UBR4: variants seen among roughly 807,000 people sequenced by gnomAD.
The protein encoded by UBR4 is E3 ubiquitin-protein ligase UBR4.
UBR4 carries 124 observed loss-of-function variants against 575.6 expected under a neutral mutation model. That is an observed-to-expected ratio of 0.22 (90% CI 0.19 to 0.25). The LOEUF (loss-of-function observed/expected upper bound fraction) is 0.25. Among genes scored for constraint, UBR4 ranks in the 10% least tolerant of loss-of-function variants. The pLI, the probability that UBR4 is intolerant of heterozygous loss-of-function variation, is 1.00. For missense variants in UBR4, 4,818 were observed against 6,478.8 expected (o/e 0.74, Z 8.80); for synonymous variants, 2,455 against 2,473.7 (o/e 0.99, Z 0.22).
Position 19,117,765 on chromosome 1 carries a change from A to G in UBR4, c.10629+58T>C. Reference sequence around the variant, plus strand: ...ATGTGATAATGATCCATCTCTGGAAACAAGAATCCCACTGGACCTATTGGC... The same window carrying G: ...ATGTGATAATGATCCATCTCTGGAAGCAAGAATCCCACTGGACCTATTGGC... On this transcript the variant is annotated intron_variant, in intron 72 of 105. Transcript: ENST00000375254. The surrounding 1 kb of genome is among the most constrained non-coding windows in gnomAD (Gnocchi z 4.0). 1 of 1,499,788 alleles carries G rather than the reference A, an allele frequency of 6.7e-7. No homozygotes were observed. 92.9% of individuals were successfully genotyped at this position (1,499,788 alleles called of 1,614,324 possible). A position where few individuals can be genotyped will look rare whatever the true frequency, so the allele number is the denominator to read the frequency against.
At chr1:19,103,012 A>G (rs928245918) in intron 87 of UBR4, among the ~76,000 whole-genome samples, 1 of 152,240 alleles carries the variant, frequency 6.6e-6, no homozygotes, top group Admixed American at 6.5e-5. Context: ...GAACTGGGAC[A>G]GCAGTACCCT....
Position 19,177,728 on chromosome 1 carries a change from C to A in UBR4, c.2370G>T (p.Met790Ile). ...LKVWDRFLST[M>I]KQNALQGVVP... ...CCACACCTTGCAGGGCATTCTGCTT[C>A]ATTGTAGACAAAAACCTACCAGAGA... Residue 790 changes from methionine to isoleucine, a missense_variant, in exon 19 of 106, where the codon ATG (methionine) becomes ATT (isoleucine). Met to Ile is a conservative substitution (Grantham distance 10). Around this residue, in one of 29 missense-constraint regions of UBR4, gnomAD observed 1,172 missense variants for 1,259.7 expected, o/e 0.93. Transcript: ENST00000375254. 6.2e-7 allele frequency: 1 copy of A among 1,612,928 alleles called. No homozygotes were observed. Among genetic ancestry groups the A allele is most frequent in the Non-Finnish European group, 8.5e-7 (1 of 1,179,582 alleles).
At chr1:19,137,067 G>A (rs990876876) in intron 60 of UBR4, among the ~76,000 whole-genome samples, 5 of 152,024 alleles carry the variant, frequency 3.3e-5, no homozygotes, top group African/African-American at 9.7e-5. Flanking sequence ...GGGAGGTGGA[G>A]GTGAGTGGAT....
Position 19,161,096 on chromosome 1 carries a change from A to G in UBR4, c.5227T>C (p.Ser1743Pro). ...SSGMSSTMKE[S>P]AFQSEPRISE... ...ATCCTGGGTTCACTCTGAAATGCCG[A>G]CTCCTTCATGGTAGAGCTCATGCCA... The change falls in exon 38 of 106, where the codon TCG (serine) becomes CCG (proline). Residue 1743 changes from serine (S) to proline (P), a missense_variant. Around this residue, in one of 29 missense-constraint regions of UBR4, gnomAD observed 159 missense variants for 174.6 expected, o/e 0.91. Transcript: ENST00000375254. 1 of 1,613,606 alleles carries G rather than the reference A, an allele frequency of 6.2e-7. No individual in the cohort carries two copies. Among genetic ancestry groups the G allele is most frequent in the Non-Finnish European group, 8.5e-7 (1 of 1,179,912 alleles).
chr1:19,102,479 A>G (rs75319485), intron 87 of UBR4, among the ~76,000 whole-genome samples: 2,994 of 150,048 alleles, frequency 0.02, 41 homozygotes, highest in South Asian at 0.056. Context: ...TGAAAATGGC[A>G]TCAGAAAGAG....
rs2076804722 is a variant in UBR4 at position 19,084,354 on chromosome 1, G to C, written c.15008+150C>G. 4.2e-6 allele frequency: 3 copies of C among 720,748 alleles called. No homozygotes were observed. The South Asian group carries it at 6.5e-5, about 16-fold the overall frequency. The allele number at this position is 720,748 out of a possible 1,614,324, so 44.6% of individuals were successfully genotyped here. A position where few individuals can be genotyped will look rare whatever the true frequency, so the allele number is the denominator to read the frequency against. ...TGCATGGCCCTAAAAGAATGCAGAT[G>C]AGCATCCCCACCTCGGCAAAAAGGC... On this transcript the variant is annotated intron_variant, in intron 102 of 105. Coordinates refer to ENST00000375254, the MANE Select transcript of UBR4 (RefSeq NM_020765.3).
rs1168698225 is a variant in UBR4 at position 19,160,333 on chromosome 1, A to G, written c.5407-52T>C. The G allele has an allele frequency of 3.4e-6, 5 of 1,452,454 alleles. No homozygotes were observed. The Admixed American group carries it at 9.5e-5, about 28-fold the overall frequency. 90.0% of individuals were successfully genotyped at this position (1,452,454 alleles called of 1,614,324 possible). On this transcript the variant is annotated intron_variant, in intron 38 of 105. Coordinates refer to ENST00000375254, the MANE Select transcript of UBR4 (RefSeq NM_020765.3). ...GTGAAAAAAAAAAAAAAGAAAAACA[A>G]TGGATAATACTTGTAAAAATCATCT...
At chr1:19,083,786 T>C (rs2076750941) in intron 102 of UBR4, among the ~76,000 whole-genome samples, 1 of 152,262 alleles carries the variant, frequency 6.6e-6, no homozygotes, top group Non-Finnish European at 1.5e-5. Context: ...TCCCAAGTGC[T>C]GGGATGACAG....
intron 60 of UBR4, among the ~76,000 whole-genome samples, chr1:19,134,150 C>T (rs1241894503): frequency 1.4e-5 from 2 of 146,648 alleles, no homozygotes; most frequent in Admixed American, 1.4e-4. Context: ...AAGCACCTAG[C>T]TACTCAGGCA....
At chr1:19,114,631 T>C (rs989693669) in intron 75 of UBR4, among the ~76,000 whole-genome samples, 180 bp downstream of exon 75, 20 of 152,246 alleles carry the variant, frequency 1.3e-4, no homozygotes, top group Non-Finnish European at 2.5e-4. Context: ...ATGCAAACCA[T>C]GTCTTTCAAT....
chr1:19,160,859 A>G, intron 38 of UBR4, 58 bp downstream of exon 38: 1 of 1,546,686 alleles, frequency 6.5e-7, no homozygotes, highest in Admixed American at 1.7e-5. Flanking sequence ...TTACTCTCAC[A>G]CCAATTCAAC....
chr1:19,202,657 C>T (rs2092800073), intron 1 of UBR4, among the ~76,000 whole-genome samples: 1 of 151,730 alleles, frequency 6.6e-6, no homozygotes, highest in African/African-American at 2.4e-5. Context: ...TTTTTTTTAA[C>T]CACATCCCTT....
chr1:19,165,364 G>T lies in UBR4; in HGVS notation c.4212-15C>A. 1 of 1,587,220 alleles carries T rather than the reference G, an allele frequency of 6.3e-7. No individual in the cohort carries two copies. The highest frequency in any genetic ancestry group is 8.6e-7 in the Non-Finnish European group (1 of 1,160,000). On this transcript the variant is annotated splice_polypyrimidine_tract_variant and intron_variant, in intron 30 of 105. Transcript: ENST00000375254. ...CAAGTTCTCCACTGGGAGGCAAGAT[G>T]GGAGAAAAATGGAAAGAATCACATT...
At chr1:19,112,425 TG>T (rs578088211) in intron 78 of UBR4, 98 bp downstream of exon 78, 1 of 1,341,706 alleles carries the variant, frequency 7.5e-7, no homozygotes, top group East Asian at 2.3e-5. Context: ...ACTTGCTGGG[TG>T]GTCAGAAGCA....
intron 1 of UBR4, among the ~76,000 whole-genome samples, chr1:19,204,712 C>T (rs1267118612): frequency 2.0e-5 from 3 of 152,038 alleles, no homozygotes; most frequent in African/African-American, 7.2e-5. Flanking sequence ...ATGGAACGGT[C>T]TTCAGCTCTA....
chr1:19,148,801 GC>G (rs1557790030), intron 49 of UBR4, among the ~76,000 whole-genome samples, 175 bp from the exon 50 acceptor site: 1 of 152,180 alleles, frequency 6.6e-6, no homozygotes. Flanking sequence ...TACGTTACAG[GC>G]CAGGAGAAAC....
At chr1:19,090,934 A>G (rs1420210947) in intron 97 of UBR4, among the ~76,000 whole-genome samples, 1 of 152,078 alleles carries the variant, frequency 6.6e-6, no homozygotes, top group Admixed American at 6.5e-5. Context: ...GAGTCTACTA[A>G]AAATACAAAA....
rs753234225 is a variant in UBR4 at position 19,186,644 on chromosome 1, T to A, written c.1646A>T (p.Gln549Leu). ...STSYRKACVL[Q>L]RQRKGSMSSD... The stretch of plus-strand genomic sequence containing the variant: ...GCTCATGGAGCCCTTCCTCTGCCGC[T>A]GCAGGACACATGCCTAGGAAAATGA... Residue 549 changes from glutamine to leucine, a missense_variant, in exon 14 of 106, where the codon CAG (glutamine) becomes CTG (leucine). By Grantham distance (113) the Gln-to-Leu change is moderately radical. Coordinates refer to ENST00000375254, the MANE Select transcript of UBR4 (RefSeq NM_020765.3). 2 of 1,614,110 alleles carry A rather than the reference T, an allele frequency of 1.2e-6. No individual in the cohort carries two copies. The highest frequency in any genetic ancestry group is 1.7e-6 in the Non-Finnish European group (2 of 1,179,966).
intron 78 of UBR4, chr1:19,112,189 G>A (rs935478586): frequency 7.5e-6 from 2 of 266,424 alleles, no homozygotes; most frequent in African/African-American, 4.4e-5. Context: ...TAATCTCCAG[G>A]CCCCACTGCT....
Sources: gnomAD v4.1 joint callset for allele counts (sites outside exome capture counted in the v4.1 genomes callset) on GRCh38, gnomAD v4.1.1 for gene constraint, gnomAD v4.1.1 regional missense constraint, Gnocchi (gnomAD v3.1) non-coding constraint, MANE v1.5 for transcripts, NCBI Gene and HGNC (gene_info 2026-07-23, HGNC 2026-07-21) for gene names.